DTL: variants seen among roughly 807,000 people sequenced by gnomAD.
DTL encodes the protein denticleless E3 ubiquitin protein ligase adapter.
Under a neutral mutation model 87.0 loss-of-function variants are expected in DTL, and 46 were observed. The observed-to-expected ratio is 0.53, with a 90% CI of 0.42 to 0.68. The LOEUF (loss-of-function observed/expected upper bound fraction) is 0.68. DTL is among the 30% of genes least tolerant of loss of function. The pLI, the probability that DTL is intolerant of heterozygous loss-of-function variation, is 0.00. For missense variants in DTL, 737 were observed against 869.4 expected (o/e 0.85, Z 1.91); for synonymous variants, 308 against 311.2 (o/e 0.99, Z 0.11).
intron 10 of DTL, among the ~76,000 whole-genome samples, chr1:212,070,999 GAAC>G (rs1196750003): frequency 6.6e-6 from 1 of 152,140 alleles, no homozygotes; most frequent in Non-Finnish European, 1.5e-5. Context: ...TACAGTTTTA[GAAC>G]AATGTTCAGA....
At chr1:212,066,635 C>G (rs1444458105) in intron 7 of DTL, among the ~76,000 whole-genome samples, 177 bp from the exon 8 acceptor site, 1 of 152,186 alleles carries the variant, frequency 6.6e-6, no homozygotes, top group East Asian at 1.9e-4. Flanking sequence ...TATACTAAAA[C>G]TTAATGATCC....
At chr1:212,053,978 G>T (rs75773064) in intron 5 of DTL, among the ~76,000 whole-genome samples, 3,991 of 152,210 alleles carry the variant, frequency 0.026, 59 homozygotes, top group African/African-American at 0.047. Flanking sequence ...AGGACATTGC[G>T]AGTGGTATGT....
chr1:212,074,301 G>A (rs1167085933), intron 11 of DTL, among the ~76,000 whole-genome samples: 1 of 150,696 alleles, frequency 6.6e-6, no homozygotes, highest in Admixed American at 6.6e-5. Context: ...CTTGACAATT[G>A]TTAAAGTTCC....
chr1:212,066,231 A>G (rs1270484093), intron 7 of DTL, among the ~76,000 whole-genome samples: 1 of 152,114 alleles, frequency 6.6e-6, no homozygotes, highest in African/African-American at 2.4e-5. Context: ...TAAGACTTAA[A>G]ACTATACACC....
At position 212,092,405 on chromosome 1, in the gene DTL, C is replaced by G. The variant is rs145753210; in HGVS notation, c.1262-7847C>G. On this transcript the variant is annotated intron_variant, in intron 13 of 14. Transcript: ENST00000366991. The stretch of plus-strand genomic sequence containing the variant: ...AAAACTTAGGTGTGGTGGTGCATGC[C>G]TGTAGTCCCAGCTACTTGGGAGGCT... Among the ~76,000 whole-genome samples the G allele has an allele frequency of 5.7e-3, 872 of 152,236 alleles. 6 individuals carry two copies. Among genetic ancestry groups the G allele is most frequent in the African/African-American group, 0.019 (807 of 41,546 alleles).
intron 13 of DTL, among the ~76,000 whole-genome samples, chr1:212,084,534 T>C (rs7519826): frequency 0.31 from 46,670 of 152,092 alleles, 8,839 homozygotes; most frequent in Middle Eastern, 0.43. Flanking sequence ...ATAAGTCAGC[T>C]AGTTCTACAA....
chr1:212,092,209 T>G (rs921556392), intron 13 of DTL, among the ~76,000 whole-genome samples: 1 of 152,172 alleles, frequency 6.6e-6, no homozygotes, highest in African/African-American at 2.4e-5. Flanking sequence ...CATACGATGT[T>G]TGGTTCCATT....
intron 11 of DTL, among the ~76,000 whole-genome samples, chr1:212,075,511 A>C (rs945518690): frequency 6.6e-6 from 1 of 152,160 alleles, no homozygotes; most frequent in African/African-American, 2.4e-5. Flanking sequence ...TAGGGACAAT[A>C]AATAAAAATT....
intron 10 of DTL, among the ~76,000 whole-genome samples, chr1:212,071,244 C>T (rs757765469): frequency 9.2e-5 from 14 of 152,192 alleles, no homozygotes; most frequent in Non-Finnish European, 1.6e-4. Context: ...ATACTTTTCT[C>T]TCTGGAGTGT....
At chr1:212,082,363 AAG>A (rs1274247525) in intron 13 of DTL, among the ~76,000 whole-genome samples, 1 of 152,196 alleles carries the variant, frequency 6.6e-6, no homozygotes, top group Non-Finnish European at 1.5e-5. Context: ...TAAAGGAAAG[AAG>A]AGAAGTGAAG....
chr1:212,085,834 A>G (rs1655115002), intron 13 of DTL, among the ~76,000 whole-genome samples: 1 of 152,198 alleles, frequency 6.6e-6, no homozygotes, highest in Non-Finnish European at 1.5e-5. Context: ...AATTTTTTAC[A>G]TATGGATATT....
chr1:212,079,219 A>G (rs1476548006), intron 12 of DTL, among the ~76,000 whole-genome samples: 3 of 152,034 alleles, frequency 2.0e-5, no homozygotes, highest in Non-Finnish European at 4.4e-5. Flanking sequence ...TTTTCCTCTG[A>G]GATTCCATGT....
intron 5 of DTL, among the ~76,000 whole-genome samples, chr1:212,052,656 A>AAGAAAG (rs1274212819): frequency 4.0e-5 from 6 of 150,780 alleles, no homozygotes; most frequent in African/African-American, 1.5e-4. Context: ...AAAAAAAAAA[A>AAGAAAG]AAAGAAATAT....
At chr1:212,089,505 A>G (rs906303239) in intron 13 of DTL, among the ~76,000 whole-genome samples, 14 of 152,232 alleles carry the variant, frequency 9.2e-5, no homozygotes, top group African/African-American at 3.4e-4. Flanking sequence ...GGAATGCACA[A>G]GAATGTAAAA....
At chr1:212,085,174 C>A (rs568625628) in intron 13 of DTL, among the ~76,000 whole-genome samples, 1 of 151,984 alleles carries the variant, frequency 6.6e-6, no homozygotes, top group South Asian at 2.1e-4. Flanking sequence ...GCTGTGGAAC[C>A]CAGTATACAG....
intron 9 of DTL, 126 bp from the exon 10 acceptor site, chr1:212,068,473 G>A (rs1158451224): frequency 1.2e-6 from 1 of 847,522 alleles, no homozygotes; most frequent in South Asian, 1.8e-5. Context: ...TTTGGTTTGT[G>A]TATATTTTGG....
chr1:212,082,613 A>G (rs1437040923), intron 13 of DTL, among the ~76,000 whole-genome samples: 1 of 152,162 alleles, frequency 6.6e-6, no homozygotes, highest in African/African-American at 2.4e-5. Context: ...ATATATAAGC[A>G]TGGTGCAGGT....
intron 1 of DTL, among the ~76,000 whole-genome samples, chr1:212,039,906 AGT>A (rs1463919072): frequency 6.6e-6 from 1 of 152,194 alleles, no homozygotes; most frequent in Non-Finnish European, 1.5e-5. Context: ...TGAATCAGTG[AGT>A]GAGTAGTCAG....
intron 11 of DTL, among the ~76,000 whole-genome samples, chr1:212,077,871 A>G (rs1317668330): frequency 6.6e-6 from 1 of 152,186 alleles, no homozygotes; most frequent in Admixed American, 6.6e-5. Context: ...GCCAGTCTTG[A>G]ATTTTAGTCA....
Sources: allele counts gnomAD v4.1 joint callset (sites outside exome capture counted in the v4.1 genomes callset), GRCh38; gene constraint gnomAD v4.1.1; transcripts MANE v1.5; gene names NCBI Gene and HGNC (gene_info 2026-07-23, HGNC 2026-07-21).